MYH11: variants seen among roughly 807,000 people sequenced by gnomAD.
MYH11 encodes myosin heavy chain 11, also known as myosin-11.
In MYH11, 80 loss-of-function variants were observed where a neutral mutation model predicts 246.6. The ratio of observed to expected loss-of-function variants is 0.32; its 90% CI spans 0.27 to 0.39. MYH11 has a LOEUF of 0.39. MYH11 is among the 10% of genes least tolerant of loss of function. The probability of loss-of-function intolerance (pLI) is 1.00; values close to 1 mark genes in which losing one functional copy is unlikely to be tolerated. For missense variants in MYH11, 2,158 were observed against 2,546.8 expected (o/e 0.85, Z 3.29); for synonymous variants, 1,071 against 1,015.5 (o/e 1.05, Z -1.04).
At chr16:15,788,794 ATATATG>A (rs1319992058) in intron 4 of MYH11, among the ~76,000 whole-genome samples, 43 of 107,780 alleles carry the variant, frequency 4.0e-4, no homozygotes, top group African/African-American at 1.3e-3. Flanking sequence ...TAAGACCAGA[ATATATG>A]TGTGTGTGTG....
At chr16:15,756,615 A>G in intron 13 of MYH11, 101 bp from the exon 14 acceptor site, 3 of 1,197,946 alleles carry the variant, frequency 2.5e-6, no homozygotes, top group Admixed American at 1.8e-5. Flanking sequence ...ATCCGCCGAG[A>G]TCTGATACTG....
chr16:15,709,226 G>A (rs2039642570), intron 40 of MYH11, among the ~76,000 whole-genome samples: 1 of 151,972 alleles, frequency 6.6e-6, no homozygotes. Flanking sequence ...GGGATTACAG[G>A]CATGAACCAC....
In MYH11 at chr16:15,750,824, G is replaced by A. The variant is rs569783709; in HGVS notation, c.1865-493C>T. On this transcript the variant is annotated intron_variant, in intron 15 of 40. Coordinates refer to ENST00000300036, the MANE Select transcript of MYH11 (RefSeq NM_002474.3). This position sits in a 1 kb window ranked among gnomAD's most constrained non-coding sequence, Gnocchi z 4.3. ...AAAAAAGACCCGGCCCCCTCACCCC[G>A]CTTATATCACAGGGAAGGAGACAGA... 3.9e-5 allele frequency among the ~76,000 whole-genome samples: 6 copies of A among 152,158 alleles called. No homozygotes were observed. The highest frequency in any genetic ancestry group is 1.3e-4 in the Admixed American group (2 of 15,270).
chr16:15,785,007 G>GT, intron 5 of MYH11: 4 of 67,332 alleles, frequency 5.9e-5, no homozygotes, highest in Admixed American at 2.0e-4. Context: ...TAATTCTCTT[G>GT]ATTTTTTTTT....
chr16:15,801,751 G>C (rs1180449349), intron 3 of MYH11, among the ~76,000 whole-genome samples: 1 of 152,102 alleles, frequency 6.6e-6, no homozygotes, highest in East Asian at 1.9e-4. Flanking sequence ...GAGGTCAGGA[G>C]TTCAAGACCA....
At chr16:15,772,615 A>G (rs1026220644) in intron 8 of MYH11, among the ~76,000 whole-genome samples, 1 of 152,184 alleles carries the variant, frequency 6.6e-6, no homozygotes, top group Non-Finnish European at 1.5e-5. Flanking sequence ...ATACTAGCCT[A>G]TTATAATGTA....
intron 40 of MYH11, among the ~76,000 whole-genome samples, chr16:15,705,301 C>T (rs1157914858): frequency 6.6e-6 from 1 of 152,100 alleles, no homozygotes. Context: ...GATTTTAGCT[C>T]CAGCCAGTAG....
At chr16:15,731,487 TTC>T (rs1037871163) in intron 27 of MYH11, among the ~76,000 whole-genome samples, 25 of 147,382 alleles carry the variant, frequency 1.7e-4, no homozygotes, top group African/African-American at 6.5e-4. Flanking sequence ...TTTCTATTCA[TTC>T]TTTTTTTTTT....
intron 2 of MYH11, among the ~76,000 whole-genome samples, chr16:15,836,335 A>G (rs909908394): frequency 6.6e-6 from 1 of 152,162 alleles, no homozygotes; most frequent in African/African-American, 2.4e-5. Flanking sequence ...ACAGGTGGCT[A>G]TTGACTACTT....
At chr16:15,829,860 C>T (rs3851700) in intron 2 of MYH11, among the ~76,000 whole-genome samples, 7,934 of 152,168 alleles carry the variant, frequency 0.052, 301 homozygotes, top group African/African-American at 0.11. Context: ...GATGGCCGGG[C>T]GCAGTGGCTC....
chr16:15,719,049 A>G, intron 36 of MYH11, 171 bp downstream of exon 36: 1 of 681,482 alleles, frequency 1.5e-6, no homozygotes, highest in Admixed American at 2.1e-5. Flanking sequence ...AATTGCTTGA[A>G]CCTGGGAGGT....
At chr16:15,755,868 T>A (rs892707644) in intron 14 of MYH11, among the ~76,000 whole-genome samples, 1 of 151,652 alleles carries the variant, frequency 6.6e-6, no homozygotes, top group African/African-American at 2.4e-5. Context: ...GAGGGAGAGG[T>A]TGCAGTTAGC....
chr16:15,826,135 ATCGT>A lies in MYH11; in HGVS notation c.346-2728_346-2725del, dbSNP rs749414391. On this transcript the variant is annotated intron_variant, in intron 2 of 40. Transcript: ENST00000300036. ...CATCCAACAGAAACAGAAACTACTG[ATCGT>A]TCGTTCATTCATTCATTCATTCATT... Among the ~76,000 whole-genome samples the A allele has an allele frequency of 1.0e-3, 151 of 150,474 alleles. 1 individual carries two copies. The highest frequency in any genetic ancestry group is 2.3e-3 in the East Asian group (12 of 5,172).
chr16:15,850,675 G>A lies in MYH11; in HGVS notation c.-18+6266C>T, dbSNP rs146297020. ...ACTGGGAGGCCAAGGCAGGCAGTTC[G>A]CTTGAGCTTAGGAGTTTGACACCAG... On this transcript the variant is annotated intron_variant, in intron 1 of 40. Coordinates refer to ENST00000300036, the MANE Select transcript of MYH11 (RefSeq NM_002474.3). Among the ~76,000 whole-genome samples, 8 of 152,114 alleles carry A rather than the reference G, an allele frequency of 5.3e-5. No individual in the cohort carries two copies. In the East Asian group the frequency reaches 7.8e-4, roughly 15 times the overall value.
chr16:15,798,631 A>AAAAAAAAAAAAAG (rs2042807068), intron 4 of MYH11, 29 bp downstream of exon 4: 1 of 1,575,980 alleles, frequency 6.3e-7, no homozygotes, highest in Non-Finnish European at 8.6e-7. Flanking sequence ...AAACAAAAAA[A>AAAAAAAAAAAAAG]AAACAGAAGA....
At chr16:15,835,002 A>G (rs1179995400) in intron 2 of MYH11, among the ~76,000 whole-genome samples, 5 of 149,926 alleles carry the variant, frequency 3.3e-5, no homozygotes, top group East Asian at 3.9e-4. Context: ...GATCGTTTGA[A>G]TCCAGGACTT....
chr16:15,800,880 T>C (rs2151324998), intron 3 of MYH11, among the ~76,000 whole-genome samples: 1 of 152,176 alleles, frequency 6.6e-6, no homozygotes, highest in South Asian at 2.1e-4. Flanking sequence ...CTCTGGGGTT[T>C]CAATTCTGGT....
chr16:15,849,741 C>T (rs556211524), intron 1 of MYH11, among the ~76,000 whole-genome samples: 1 of 152,260 alleles, frequency 6.6e-6, no homozygotes, highest in African/African-American at 2.4e-5. Flanking sequence ...CATGAGCCAC[C>T]GCGCCCAGGC....
chr16:15,756,884 C>T (rs1337634190), intron 13 of MYH11, among the ~76,000 whole-genome samples: 1 of 150,024 alleles, frequency 6.7e-6, no homozygotes, highest in Non-Finnish European at 1.5e-5. Context: ...CTGCAAGCTC[C>T]GCTTCCTGGG....
Sources: gnomAD v4.1 joint callset for allele counts (sites outside exome capture counted in the v4.1 genomes callset) on GRCh38, gnomAD v4.1.1 for gene constraint, Gnocchi (gnomAD v3.1) non-coding constraint, MANE v1.5 for transcripts, NCBI Gene and HGNC (gene_info 2026-07-23, HGNC 2026-07-21) for gene names.